NUP210: variants seen among roughly 807,000 people sequenced by gnomAD.
NUP210 encodes the protein nuclear pore membrane glycoprotein 210.
In NUP210, 151 loss-of-function variants were observed where a neutral mutation model predicts 196.0. The ratio of observed to expected loss-of-function variants is 0.77; its 90% CI spans 0.67 to 0.88. The LOEUF (loss-of-function observed/expected upper bound fraction) is 0.88. Ranked by LOEUF, NUP210 falls within the 40% of genes least tolerant of loss-of-function variation. The pLI is 0.00. For missense variants in NUP210, 2,314 were observed against 2,493.7 expected (o/e 0.93, Z 1.53); for synonymous variants, 1,070 against 1,052.7 (o/e 1.02, Z -0.32).
intron 1 of NUP210, among the ~76,000 whole-genome samples, chr3:13,416,352 G>A (rs1015294537): frequency 1.3e-5 from 2 of 152,158 alleles, no homozygotes; most frequent in African/African-American, 4.8e-5. Flanking sequence ...TCAGCCAGGG[G>A]AGCTGCAGGT....
In NUP210 at chr3:13,330,507, C is replaced by A. The variant is rs771208743; in HGVS notation, c.4063G>T (p.Ala1355Ser). 123 of 1,614,220 alleles carry A rather than the reference C, an allele frequency of 7.6e-5. 6 individuals are homozygous for A. In the South Asian group the frequency reaches 1.2e-3, roughly 16 times the overall value. The change falls in exon 30 of 40, where the codon GCA (alanine) becomes TCA (serine). Residue 1355 changes from alanine to serine, a missense_variant. Physicochemically the swap from Ala to Ser is moderately conservative, Grantham distance 99. Coordinates refer to ENST00000254508, the MANE Select transcript of NUP210 (RefSeq NM_024923.4). ...TGGTTGGCCCCAAAGGGCTCTTGTG[C>A]AATCACTTCGATGGTGGATGTCCCG... is the stretch of plus-strand genomic sequence containing the variant. ...MIGTSTIEVI[A>S]QEPFGANQTI...
At chr3:13,419,681 AG>A (rs1157129015) in intron 1 of NUP210, among the ~76,000 whole-genome samples, 1 of 152,130 alleles carries the variant, frequency 6.6e-6, no homozygotes, top group Non-Finnish European at 1.5e-5. Context: ...CCCAGACTCA[AG>A]GGAAGTGCGG....
In NUP210 at chr3:13,350,051, G is replaced by T. The variant is rs749713989; in HGVS notation, c.2835+1828C>A. On this transcript the variant is annotated intron_variant, in intron 20 of 39. Coordinates refer to ENST00000254508, the MANE Select transcript of NUP210 (RefSeq NM_024923.4). This position sits in a 1 kb window ranked among gnomAD's most constrained non-coding sequence, Gnocchi z 4.1. ...CCTCAATTAGTGCAGCTCAACAGTT[G>T]AGTGGTCAGTGAAAGACAGCCAAAA... 6.6e-6 allele frequency among the ~76,000 whole-genome samples: 1 copy of T among 152,160 alleles called. No individual in the cohort carries two copies. Among genetic ancestry groups the T allele is most frequent in the Non-Finnish European group, 1.5e-5 (1 of 68,022 alleles).
chr3:13,390,525 T>C (rs1388170616), intron 4 of NUP210, among the ~76,000 whole-genome samples: 2 of 152,202 alleles, frequency 1.3e-5, no homozygotes, highest in Non-Finnish European at 2.9e-5. Context: ...GGCTTATGCA[T>C]CTTAGGAACT....
In NUP210 at chr3:13,343,264, G is replaced by A. The variant is rs935559776; in HGVS notation, c.2875C>T (p.His959Tyr). The A allele has an allele frequency of 1.3e-6, 2 of 1,570,334 alleles. No individual in the cohort carries two copies. Among genetic ancestry groups the A allele is most frequent in the African/African-American group, 1.4e-5 (1 of 73,392 alleles). The part of the protein sequence containing the change: ...LLPGSSTIMI[H>Y]DLCLVFPAPA... ...GCCGGGAAGACGAGGCACAAGTCATGGATCATGATGGTGGATGAGCCCGGG... is the reference window on the plus strand; with the variant it reads ...GCCGGGAAGACGAGGCACAAGTCATAGATCATGATGGTGGATGAGCCCGGG... The change falls in exon 21 of 40, where the codon CAT becomes TAT. Residue 959 changes from histidine (H) to tyrosine (Y), a missense_variant. His to Tyr is a moderately conservative substitution (Grantham distance 83, BLOSUM62 2). Coordinates refer to ENST00000254508, the MANE Select transcript of NUP210 (RefSeq NM_024923.4).
intron 12 of NUP210, among the ~76,000 whole-genome samples, chr3:13,373,213 G>A (rs927367847): frequency 6.6e-6 from 1 of 152,220 alleles, no homozygotes; most frequent in African/African-American, 2.4e-5. Context: ...GCTCAGCTGT[G>A]ACCACCACCA....
chr3:13,340,416 C>G lies in NUP210; in HGVS notation c.3229-118G>C. The G allele has an allele frequency of 1.1e-6, 1 of 891,132 alleles. No individual in the cohort carries two copies. Among genetic ancestry groups the G allele is most frequent in the Non-Finnish European group, 1.8e-6 (1 of 558,602 alleles). The allele number at this position is 891,132 out of a possible 1,614,324, so 55.2% of individuals were successfully genotyped here. A position where few individuals can be genotyped will look rare whatever the true frequency, so the allele number is the denominator to read the frequency against. ...CCTGGGACATGGACATCACTTCTCTCTGAGCAGTGACCAGAGGGCCCAGGG... is the reference window on the plus strand; with the variant it reads ...CCTGGGACATGGACATCACTTCTCTGTGAGCAGTGACCAGAGGGCCCAGGG... On this transcript the variant is annotated intron_variant, in intron 23 of 39. Transcript: ENST00000254508. The surrounding 1 kb of genome is among the most constrained non-coding windows in gnomAD (Gnocchi z 4.0).
chr3:13,343,339 T>TGGGGGGGGGGGTGGGGGGGGGGGGGGG, intron 20 of NUP210, 36 bp from the exon 21 acceptor site: 3 of 282,514 alleles, frequency 1.1e-5, no homozygotes, highest in East Asian at 8.4e-5. Context: ...GGGTGGGTGG[T>TGGGGGGGGGGGTGGGGGGGGGGGGGGG]GGGTTACGCA....
At chr3:13,322,058 C>T in intron 35 of NUP210, 135 bp downstream of exon 35, 1 of 1,246,426 alleles carries the variant, frequency 8.0e-7, no homozygotes, top group Non-Finnish European at 1.1e-6. Context: ...TGGCGTCAAT[C>T]CCCAGGCTGG....
At chr3:13,397,078 G>C (rs1034678064) in intron 3 of NUP210, among the ~76,000 whole-genome samples, 1 of 152,150 alleles carries the variant, frequency 6.6e-6, no homozygotes, top group Non-Finnish European at 1.5e-5. Context: ...GGGTCACAGA[G>C]CCACAGCTCT....
chr3:13,355,785 A>T (rs1029271304), intron 16 of NUP210, among the ~76,000 whole-genome samples: 4 of 152,136 alleles, frequency 2.6e-5, no homozygotes, highest in Non-Finnish European at 2.9e-5. Context: ...GGCTGTAGGG[A>T]CCTATCCTAG....
rs1198063377 is a variant in NUP210 at position 13,363,442 on chromosome 3, C to T, written c.1932+2504G>A. On this transcript the variant is annotated intron_variant, in intron 14 of 39. Coordinates refer to ENST00000254508, the MANE Select transcript of NUP210 (RefSeq NM_024923.4). ...CTGTGCGAAGGAGCTGTGTGTTCTA[C>T]AATTAACAACTGGAGGATGAGGAAT... 4.6e-5 allele frequency among the ~76,000 whole-genome samples: 7 copies of T among 152,342 alleles called. No individual in the cohort carries two copies. The East Asian group carries it at 7.7e-4, about 17-fold the overall frequency.
chr3:13,393,684 G>A (rs1699562433), intron 3 of NUP210, among the ~76,000 whole-genome samples: 1 of 152,220 alleles, frequency 6.6e-6, no homozygotes, highest in South Asian at 2.1e-4. Context: ...TGCTGCAGGT[G>A]GGCATCCCTA....
Position 13,353,538 on chromosome 3 carries a change from G to A in NUP210, c.2628+16C>T. ...CGCTACCCATAGCCCACCCACCACT[G>A]GGCCCTGGGAGATACCGGCTGCTTT... On this transcript the variant is annotated intron_variant, in intron 18 of 39. Coordinates refer to ENST00000254508, the MANE Select transcript of NUP210 (RefSeq NM_024923.4). The A allele has an allele frequency of 6.2e-7, 1 of 1,605,424 alleles. No individual in the cohort carries two copies. The highest frequency in any genetic ancestry group is 8.5e-7 in the Non-Finnish European group (1 of 1,172,260).
intron 20 of NUP210, among the ~76,000 whole-genome samples, chr3:13,346,674 C>T (rs1420728024): frequency 6.6e-6 from 1 of 152,160 alleles, no homozygotes; most frequent in African/African-American, 2.4e-5. Flanking sequence ...TTCCTGGAGC[C>T]CTGATCACAT....
At position 13,323,482 on chromosome 3, in the gene NUP210, C is replaced by G. The variant is rs139616737; in HGVS notation, c.4645-50G>C. 7.2e-5 allele frequency: 116 copies of G among 1,603,438 alleles called. 2 individuals are homozygous for G. In the East Asian group the frequency reaches 1.7e-3, roughly 23 times the overall value. Reference sequence around the variant, plus strand: ...CATGGAGCGCCGCCTGTGTCCCGGTCCATGCTGGGCGTTTCCACAACCTCA... The same window carrying G: ...CATGGAGCGCCGCCTGTGTCCCGGTGCATGCTGGGCGTTTCCACAACCTCA... On this transcript the variant is annotated intron_variant, in intron 33 of 39. Transcript: ENST00000254508. This position sits in a 1 kb window ranked among gnomAD's most constrained non-coding sequence, Gnocchi z 4.3.
At chr3:13,358,925 T>C (rs951335437) in intron 15 of NUP210, among the ~76,000 whole-genome samples, 1 of 152,204 alleles carries the variant, frequency 6.6e-6, no homozygotes, top group African/African-American at 2.4e-5. Context: ...CAGGGGCTGC[T>C]GCAGAGAGGG....
At chr3:13,388,573 G>C in intron 4 of NUP210, 120 bp from the exon 5 acceptor site, 1 of 1,053,156 alleles carries the variant, frequency 9.5e-7, no homozygotes, top group Non-Finnish European at 1.3e-6. Context: ...AATAAGGGGT[G>C]TCCCCCTAGT....
At chr3:13,363,633 G>C (rs1364710377) in intron 14 of NUP210, among the ~76,000 whole-genome samples, 3 of 152,230 alleles carry the variant, frequency 2.0e-5, no homozygotes, top group Non-Finnish European at 4.4e-5. Context: ...ACGTGCAACA[G>C]AGACATCAAT....
Sources: allele counts gnomAD v4.1 joint callset (sites outside exome capture counted in the v4.1 genomes callset), GRCh38; gene constraint gnomAD v4.1.1; non-coding constraint Gnocchi (gnomAD v3.1); transcripts MANE v1.5; gene names NCBI Gene and HGNC (gene_info 2026-07-23, HGNC 2026-07-21).